Variants in SDHAF4 observed in about 807,000 individuals in gnomAD.
SDHAF4 encodes the protein succinate dehydrogenase complex assembly factor 4, also known as succinate dehydrogenase assembly factor 4, mitochondrial.
SDHAF4 carries 14 observed loss-of-function variants against 14.3 expected under a neutral mutation model. The observed-to-expected ratio is 0.98, with a 90% CI of 0.65 to 1.53. The LOEUF (loss-of-function observed/expected upper bound fraction) is 1.53. Among genes scored for constraint, SDHAF4 ranks in the 40% most tolerant of loss-of-function variants. The pLI is 0.00. For missense variants in SDHAF4, 141 were observed against 129.3 expected (o/e 1.09, Z -0.44); for synonymous variants, 63 against 47.3 (o/e 1.33, Z -1.36).
chr6:70,593,291 C>T (rs1323602187), downstream of SDHAF4, among the ~76,000 whole-genome samples: 1 of 152,264 alleles, frequency 6.6e-6, no homozygotes, highest in African/African-American at 2.4e-5. Context: ...GCAGCTTCCA[C>T]CTAGATTTCA....
downstream of SDHAF4, among the ~76,000 whole-genome samples, chr6:70,594,425 A>G (rs1453130364): frequency 6.6e-6 from 1 of 152,158 alleles, no homozygotes; most frequent in Middle Eastern, 3.2e-3. Flanking sequence ...ATGAGGTCAT[A>G]AGGGTGAGGC....
At chr6:70,581,373 G>A (rs1461256822) in intron 2 of SDHAF4, among the ~76,000 whole-genome samples, 1 of 151,792 alleles carries the variant, frequency 6.6e-6, no homozygotes, top group Non-Finnish European at 1.5e-5. Context: ...TGACATAATG[G>A]TAGGCATTCA....
downstream of SDHAF4, among the ~76,000 whole-genome samples, chr6:70,591,484 A>C (rs1765257978): frequency 6.6e-6 from 1 of 151,272 alleles, no homozygotes; most frequent in Admixed American, 6.6e-5. Flanking sequence ...GGCACTCGCC[A>C]CCACGCCCAG....
intron 1 of SDHAF4, among the ~76,000 whole-genome samples, chr6:70,577,287 G>A (rs1802268453): frequency 6.6e-6 from 1 of 152,122 alleles, no homozygotes; most frequent in African/African-American, 2.4e-5. Flanking sequence ...TCTGGGTATT[G>A]GATTCTGATT....
chr6:70,568,989 G>A (rs552016392), intron 1 of SDHAF4, among the ~76,000 whole-genome samples: 1,455 of 120,016 alleles, frequency 0.012, 21 homozygotes, highest in African/African-American at 0.049. Context: ...TTTTTGAGGC[G>A]GAGTTTCGCT....
At chr6:70,587,207 G>C (rs1290632585) in intron 2 of SDHAF4, among the ~76,000 whole-genome samples, 1 of 100,718 alleles carries the variant, frequency 9.9e-6, no homozygotes, top group Admixed American at 9.0e-5. Flanking sequence ...CAAGAATTAG[G>C]GGTCAGGTGC....
intron 1 of SDHAF4, chr6:70,567,379 C>T: frequency 4.4e-6 from 1 of 228,616 alleles, no homozygotes; most frequent in Non-Finnish European, 8.5e-6. Flanking sequence ...GAATGGGAGT[C>T]ATTGATTTAC....
chr6:70,591,162 A>G (rs1225822464), downstream of SDHAF4, among the ~76,000 whole-genome samples: 4 of 152,030 alleles, frequency 2.6e-5, no homozygotes, highest in African/African-American at 9.7e-5. Context: ...TCCAGAAACA[A>G]TGTTTAAACT....
At chr6:70,577,051 G>C (rs1026638732) in intron 1 of SDHAF4, among the ~76,000 whole-genome samples, 3 of 152,136 alleles carry the variant, frequency 2.0e-5, no homozygotes, top group Non-Finnish European at 4.4e-5. Context: ...AGCTTCTAGA[G>C]GCTGCCCACA....
chr6:70,566,949 A>G lies in SDHAF4; in HGVS notation c.9A>G (p.Pro3=), dbSNP rs758437472. 1.1e-5 allele frequency: 18 copies of G among 1,587,188 alleles called. No individual in the cohort carries two copies. In the Admixed American group the frequency reaches 2.5e-4, roughly 22 times the overall value. Residue 3 remains proline (P), a synonymous_variant, in exon 1 of 3, where the codon CCA becomes CCG. Coordinates refer to ENST00000370474, the MANE Select transcript of SDHAF4 (RefSeq NM_145267.3). MT[P]SRLPWLLSWV... ...CTCGGGGAGTCGGCGCCATGACCCC[A>G]TCGAGGCTTCCCTGGTTGCTTAGCT...
rs567244125 is a variant in SDHAF4, at chr6:70,566,986, A to G, written c.46A>G (p.Thr16Ala). 2.5e-6 allele frequency: 4 copies of G among 1,590,912 alleles called. No homozygotes were observed. The highest frequency in any genetic ancestry group is 1.8e-5 in the Admixed American group (1 of 56,692). The change falls in exon 1 of 3, where the codon ACG (threonine) becomes GCG (alanine). Residue 16 changes from threonine to alanine, a missense_variant. Transcript: ENST00000370474. ...LPWLLSWVSA[T>A]AWRAARSPLL... Reference sequence around the variant, plus strand: ...CTGGTTGCTTAGCTGGGTCTCGGCCACGGCGTGGAGAGCGGCAAGTAAGCA... The same window carrying G: ...CTGGTTGCTTAGCTGGGTCTCGGCCGCGGCGTGGAGAGCGGCAAGTAAGCA...
chr6:70,579,622 T>A, intron 2 of SDHAF4, 56 bp downstream of exon 2: 1 of 1,421,834 alleles, frequency 7.0e-7, no homozygotes, highest in African/African-American at 1.5e-5. Context: ...GTGTTTTAGT[T>A]ATTGAGAAAA....
At chr6:70,577,945 C>T (rs541860992) in intron 1 of SDHAF4, among the ~76,000 whole-genome samples, 1 of 152,268 alleles carries the variant, frequency 6.6e-6, no homozygotes, top group East Asian at 1.9e-4. Context: ...TATATATGTA[C>T]CACATTTTCT....
chr6:70,595,641 G>A, the SDHAF4 span, among the ~76,000 whole-genome samples: 3 of 152,094 alleles, frequency 2.0e-5, no homozygotes, highest in East Asian at 1.9e-4. Flanking sequence ...CAGCACTTTG[G>A]GAGGCTGAGG....
intron 2 of SDHAF4, 96 bp downstream of exon 2, chr6:70,579,662 T>TACAGAATTTAAGCAA: frequency 9.8e-7 from 1 of 1,023,548 alleles, no homozygotes; most frequent in Non-Finnish European, 1.4e-6. Flanking sequence ...TTGTTATTGC[T>TACAGAATTTAAGCAA]TAAATTCTGT....
chr6:70,580,817 CG>C (rs1416938116), intron 2 of SDHAF4, among the ~76,000 whole-genome samples: 2 of 151,986 alleles, frequency 1.3e-5, no homozygotes, highest in East Asian at 3.9e-4. Context: ...TCAGGGACTC[CG>C]GGGACTAAGG....
Position 70,568,962 on chromosome 6 carries a change from C to CTTTTTTTTTTTTTTTTT in SDHAF4, c.64+1963_64+1979dup, listed in dbSNP as rs5877254. 2.7e-4 allele frequency among the ~76,000 whole-genome samples: 26 copies of CTTTTTTTTTTTTTTTTT among 97,986 alleles called. 2 individuals carry two copies. Among genetic ancestry groups the CTTTTTTTTTTTTTTTTT allele is most frequent in the African/African-American group, 8.8e-4 (21 of 23,746 alleles). The allele number at this position is 97,986 out of a possible 152,430, so 64.3% of individuals were successfully genotyped here. ...TTTGTGAAATACCTCTTTCTTTTTT[C>CTTTTTTTTTTTTTTTTT]TTTTTTTTTTTTTTTTTTTTTGAGG... is the stretch of plus-strand genomic sequence containing the variant. On this transcript the variant is annotated intron_variant, in intron 1 of 2. Coordinates refer to ENST00000370474, the MANE Select transcript of SDHAF4 (RefSeq NM_145267.3).
intron 1 of SDHAF4, among the ~76,000 whole-genome samples, chr6:70,574,139 G>A (rs887862267): frequency 7.3e-5 from 11 of 151,502 alleles, no homozygotes. Context: ...TGGCCTACAT[G>A]GTGAAACCCC....
At chr6:70,574,909 C>CAA (rs1379946439) in intron 1 of SDHAF4, among the ~76,000 whole-genome samples, 2 of 145,928 alleles carry the variant, frequency 1.4e-5, no homozygotes, top group African/African-American at 2.7e-5. Flanking sequence ...GACTGGGCAA[C>CAA]AGAGCAAGAC....
Sources: gnomAD v4.1 joint callset for allele counts (sites outside exome capture counted in the v4.1 genomes callset) on GRCh38, gnomAD v4.1.1 for gene constraint, MANE v1.5 for transcripts, NCBI Gene and HGNC (gene_info 2026-07-23, HGNC 2026-07-21) for gene names.